AOAH: variants seen among roughly 807,000 people sequenced by gnomAD.
AOAH encodes acyloxyacyl hydrolase.
A neutral mutation model predicts 92.2 loss-of-function variants in AOAH; 64 were observed. The ratio of observed to expected loss-of-function variants is 0.69; its 90% CI spans 0.57 to 0.86. The LOEUF (loss-of-function observed/expected upper bound fraction) is 0.86. Among genes scored for constraint, AOAH ranks in the 40% least tolerant of loss-of-function variants. AOAH has a pLI of 0.00. For missense variants in AOAH, 656 were observed against 694.6 expected (o/e 0.94, Z 0.62); for synonymous variants, 263 against 254.5 (o/e 1.03, Z -0.32).
At chr7:36,579,390 G>C (rs1341838144) in intron 12 of AOAH, among the ~76,000 whole-genome samples, 1 of 151,136 alleles carries the variant, frequency 6.6e-6, no homozygotes, top group East Asian at 1.9e-4. Flanking sequence ...CAAATTGTGA[G>C]ATATAATAAA....
At chr7:36,616,187 T>G (rs888701611) in intron 11 of AOAH, among the ~76,000 whole-genome samples, 193 bp downstream of exon 11, 4 of 152,304 alleles carry the variant, frequency 2.6e-5, no homozygotes, top group Middle Eastern at 3.4e-3. Context: ...GGGCTGAGGC[T>G]GGGGAGGTGA....
chr7:36,659,529 G>A (rs1393704054), intron 3 of AOAH, among the ~76,000 whole-genome samples: 1 of 152,150 alleles, frequency 6.6e-6, no homozygotes, highest in Non-Finnish European at 1.5e-5. Context: ...TCTCACGCGA[G>A]TGCTGGGATT....
chr7:36,613,793 G>A lies in AOAH; in HGVS notation c.846+2587C>T, dbSNP rs1166484888. ...TGTGTGCAATTTCCTCTCAATTATT[G>A]TTGAGAACCTGAAGTTAACATTTTG... On this transcript the variant is annotated intron_variant, in intron 11 of 20. Transcript: ENST00000617537. 2.0e-5 allele frequency among the ~76,000 whole-genome samples: 3 copies of A among 152,126 alleles called. No individual in the cohort carries two copies. The East Asian group carries it at 5.8e-4, about 29-fold the overall frequency.
chr7:36,671,809 G>T (rs115843744), intron 3 of AOAH, among the ~76,000 whole-genome samples: 2,447 of 152,172 alleles, frequency 0.016, 58 homozygotes, highest in African/African-American at 0.056. Context: ...TGTGTGGGGA[G>T]ACTACAAGTG....
At chr7:36,575,025 CTTTG>C (rs1788388149) in intron 13 of AOAH, among the ~76,000 whole-genome samples, 1 of 143,070 alleles carries the variant, frequency 7.0e-6, no homozygotes, top group South Asian at 2.2e-4. Flanking sequence ...TTTTTTTGTG[CTTTG>C]TTTTTTATAA....
chr7:36,599,141 AG>A (rs1231644048), intron 11 of AOAH, among the ~76,000 whole-genome samples: 47 of 152,204 alleles, frequency 3.1e-4, no homozygotes, highest in African/African-American at 1.1e-3. Flanking sequence ...TTTGTGTAAT[AG>A]TTTCATTTAA....
intron 13 of AOAH, among the ~76,000 whole-genome samples, chr7:36,558,425 G>A (rs1042047303): frequency 7.9e-5 from 12 of 152,080 alleles, no homozygotes; most frequent in East Asian, 5.8e-4. Context: ...TAGGCTGCTC[G>A]GGGGTCAGGG....
In AOAH at chr7:36,594,388, C is replaced by T. The variant is rs1351606088; in HGVS notation, c.889G>A (p.Asp297Asn). The change falls in exon 12 of 21, where the codon GAC becomes AAC. Residue 297 changes from aspartate (D) to asparagine (N), a missense_variant. Coordinates refer to ENST00000617537, the MANE Select transcript of AOAH (RefSeq NM_001637.4). Reference protein sequence around the residue: ...NLPTALTNELDWPQLSGATGF... With the variant: ...NLPTALTNELNWPQLSGATGF... The stretch of plus-strand genomic sequence containing the variant: ...GTAGCACCAGAGAGTTGGGGCCAGT[C>T]AAGCTCGTTGGTAAGGGCTGTTGGT... 1 of 1,614,098 alleles carries T rather than the reference C, an allele frequency of 6.2e-7. No homozygotes were observed. Among genetic ancestry groups the T allele is most frequent in the East Asian group, 2.2e-5 (1 of 44,886 alleles).
At chr7:36,654,440 C>T (rs546494529) in intron 4 of AOAH, among the ~76,000 whole-genome samples, 3 of 152,224 alleles carry the variant, frequency 2.0e-5, no homozygotes, top group Non-Finnish European at 2.9e-5. Flanking sequence ...TCCACAGGAC[C>T]GGCAAGAAGT....
At chr7:36,628,417 A>ATTTG (rs1792828354) in intron 6 of AOAH, among the ~76,000 whole-genome samples, 1 of 152,138 alleles carries the variant, frequency 6.6e-6, no homozygotes, top group Non-Finnish European at 1.5e-5. Context: ...ATAGCTACAC[A>ATTTG]TTTGTTTTCC....
intron 11 of AOAH, among the ~76,000 whole-genome samples, chr7:36,604,310 G>A (rs573285691): frequency 1.4e-4 from 22 of 152,252 alleles, no homozygotes; most frequent in African/African-American, 5.3e-4. Flanking sequence ...GGTAATATTT[G>A]CTTTCTATTA....
chr7:36,612,210 A>T (rs1253577220), intron 11 of AOAH, among the ~76,000 whole-genome samples: 1 of 152,222 alleles, frequency 6.6e-6, no homozygotes, highest in Admixed American at 6.5e-5. Flanking sequence ...CCATCCAAAG[A>T]TAGCCAGTGG....
chr7:36,607,890 G>T (rs1241834867), intron 11 of AOAH, among the ~76,000 whole-genome samples: 1 of 152,214 alleles, frequency 6.6e-6, no homozygotes, highest in Non-Finnish European at 1.5e-5. Flanking sequence ...CTGTTGTGGG[G>T]CTCTTGAGAG....
rs568069846 is a variant in AOAH at position 36,574,203 on chromosome 7, G to A, written c.1021+2371C>T. On this transcript the variant is annotated intron_variant, in intron 13 of 20. Transcript: ENST00000617537. ...GTCGAGGATAGTAATACTAGACAAA[G>A]TATACATTTTATGCATTTCTAAGGA... 5.9e-5 allele frequency among the ~76,000 whole-genome samples: 9 copies of A among 152,272 alleles called. No homozygotes were observed. The East Asian group carries it at 1.7e-3, about 29-fold the overall frequency.
chr7:36,616,274 A>C (rs1791872763), intron 11 of AOAH, 106 bp downstream of exon 11: 1 of 874,910 alleles, frequency 1.1e-6, no homozygotes. Context: ...TTTGCTAAAG[A>C]GGGAAATTTG....
intron 1 of AOAH, among the ~76,000 whole-genome samples, chr7:36,723,088 CTG>C (rs1404313299): frequency 3.9e-5 from 6 of 152,014 alleles, no homozygotes; most frequent in Non-Finnish European, 1.5e-5. Flanking sequence ...GTGTCAGAAT[CTG>C]TGTCCAGATT....
chr7:36,604,056 G>A (rs964044005), intron 11 of AOAH, among the ~76,000 whole-genome samples: 5 of 152,174 alleles, frequency 3.3e-5, no homozygotes, highest in South Asian at 2.1e-4. Flanking sequence ...CCTCTGCTTC[G>A]TAAATGGTGC....
Position 36,618,342 on chromosome 7 carries a change from C to T in AOAH, c.706G>A (p.Val236Ile). 6.2e-7 allele frequency: 1 copy of T among 1,613,934 alleles called. No individual in the cohort carries two copies. The stretch of plus-strand genomic sequence containing the variant: ...TATGGAACTCCATCTTTTGGATCGA[C>T]ACCCTTTAAAAAAGAAACGATGTGA... ...QDSNCNGIWGVDPKDGVPYEK... is the reference protein window; with the variant it reads ...QDSNCNGIWGIDPKDGVPYEK... Residue 236 changes from valine (V) to isoleucine (I), a missense_variant, in exon 10 of 21, where the codon GTC becomes ATC. Val to Ile is a conservative substitution (Grantham distance 29, BLOSUM62 3). Transcript: ENST00000617537.
intron 13 of AOAH, among the ~76,000 whole-genome samples, chr7:36,575,143 G>A (rs535700493): frequency 2.0e-5 from 3 of 152,258 alleles, no homozygotes; most frequent in Non-Finnish European, 4.4e-5. Flanking sequence ...CTTTGTATCT[G>A]TGATGAGTCA....
Sources: gnomAD v4.1 joint callset for allele counts (sites outside exome capture counted in the v4.1 genomes callset) on GRCh38, gnomAD v4.1.1 for gene constraint, MANE v1.5 for transcripts, NCBI Gene and HGNC (gene_info 2026-07-23, HGNC 2026-07-21) for gene names.